Variants in CCDC178 observed in about 807,000 individuals in gnomAD.
The protein encoded by CCDC178 is coiled-coil domain containing 178.
Under a neutral mutation model 117.4 loss-of-function variants are expected in CCDC178, and 126 were observed. That is an observed-to-expected ratio of 1.07 (90% CI 0.93 to 1.24). CCDC178 has a LOEUF of 1.24. Among genes scored for constraint, CCDC178 ranks in the 50% most tolerant of loss-of-function variants. The probability of loss-of-function intolerance (pLI) is 0.00; values close to 1 mark genes in which losing one functional copy is unlikely to be tolerated. For missense variants in CCDC178, 1,030 were observed against 986.9 expected, an observed-to-expected ratio of 1.04 and a Z score of -0.59; for synonymous variants, 283 against 313.4, an observed-to-expected ratio of 0.90 and a Z score of 1.02.
At chr18:33,160,568 A>G (rs1025085355) in intron 20 of CCDC178, among the ~76,000 whole-genome samples, 4 of 152,162 alleles carry the variant, frequency 2.6e-5, no homozygotes, top group African/African-American at 9.6e-5. Context: ...ACACAGGTCA[A>G]TAGCAAAGGT....
intron 11 of CCDC178, among the ~76,000 whole-genome samples, chr18:33,295,546 G>A (rs962258333): frequency 6.6e-6 from 1 of 152,002 alleles, no homozygotes; most frequent in African/African-American, 2.4e-5. Flanking sequence ...TAACATATCC[G>A]ATTAAAAATC....
intron 21 of CCDC178, among the ~76,000 whole-genome samples, chr18:33,003,164 C>A (rs1385044896): frequency 6.6e-6 from 1 of 152,076 alleles, no homozygotes; most frequent in African/African-American, 2.4e-5. Context: ...GAAACACTTT[C>A]AAACTCATTC....
chr18:33,388,381 A>G (rs1180423468), intron 5 of CCDC178, among the ~76,000 whole-genome samples: 2 of 152,148 alleles, frequency 1.3e-5, no homozygotes, highest in African/African-American at 2.4e-5. Context: ...TAAGGAGCAT[A>G]AATCATTCTA....
chr18:33,005,559 G>C (rs2055729542), intron 21 of CCDC178, among the ~76,000 whole-genome samples: 1 of 151,974 alleles, frequency 6.6e-6, no homozygotes, highest in African/African-American at 2.4e-5. Context: ...ACGCAACAGA[G>C]TGACAACAGA....
chr18:33,415,385 G>A (rs1405503501), intron 2 of CCDC178, among the ~76,000 whole-genome samples: 2 of 152,112 alleles, frequency 1.3e-5, no homozygotes, highest in Non-Finnish European at 2.9e-5. Flanking sequence ...AAAATGATGA[G>A]TTCATGTCAT....
chr18:32,942,048 T>C (rs2054249874), intron 22 of CCDC178, among the ~76,000 whole-genome samples: 1 of 152,118 alleles, frequency 6.6e-6, no homozygotes, highest in Non-Finnish European at 1.5e-5. Flanking sequence ...ACCCAGTTGA[T>C]CACATAAAGA....
At chr18:33,249,340 A>C (rs373338779) in intron 14 of CCDC178, among the ~76,000 whole-genome samples, 19 of 151,964 alleles carry the variant, frequency 1.3e-4, no homozygotes, top group Admixed American at 7.2e-4. Flanking sequence ...GAAGTCCTTG[A>C]CCATGCCTAT....
chr18:33,337,665 AC>A, intron 9 of CCDC178, among the ~76,000 whole-genome samples: 1 of 152,276 alleles, frequency 6.6e-6, no homozygotes, highest in South Asian at 2.1e-4. Flanking sequence ...AGGAAAGGAC[AC>A]CCTATTCAAC....
At chr18:33,208,711 G>A (rs1351313124) in intron 20 of CCDC178, among the ~76,000 whole-genome samples, 1 of 151,988 alleles carries the variant, frequency 6.6e-6, no homozygotes, top group Non-Finnish European at 1.5e-5. Context: ...TCCAGTACCT[G>A]GTGGTCAAAT....
At chr18:33,316,412 C>T (rs565195434) in intron 11 of CCDC178, among the ~76,000 whole-genome samples, 21 of 152,262 alleles carry the variant, frequency 1.4e-4, no homozygotes, top group African/African-American at 4.6e-4. Context: ...GCTGCCTCCC[C>T]GTGAGGCAGC....
intron 21 of CCDC178, among the ~76,000 whole-genome samples, chr18:33,031,427 T>C (rs917990270): frequency 1.3e-5 from 2 of 152,046 alleles, no homozygotes; most frequent in African/African-American, 4.8e-5. Flanking sequence ...TTTATTTTCT[T>C]AGTGGTTGCT....
chr18:33,391,069 A>T (rs2144826555), intron 4 of CCDC178, among the ~76,000 whole-genome samples: 1 of 151,500 alleles, frequency 6.6e-6, no homozygotes, highest in African/African-American at 2.4e-5. Flanking sequence ...AGTGCTAATC[A>T]AATAGCTATT....
In CCDC178 at chr18:33,245,311, GA is replaced by G; in HGVS notation, c.1526del (p.Phe509SerfsTer3). ...YKEAYRIGTL[F>X]HLTKHKTDEM... ...CATCTGTCTTGTGTTTGGTTAGGTG[GA>G]AAAGAGTACCAATGCGATAAGCCTC... On this transcript the variant is annotated frameshift_variant, in exon 15 of 23. Transcript: ENST00000383096. LOFTEE classifies it high-confidence loss of function. 6.2e-7 allele frequency: 1 copy of G among 1,606,486 alleles called. No individual in the cohort carries two copies.
chr18:33,148,462 A>G (rs2058300142), intron 20 of CCDC178, among the ~76,000 whole-genome samples: 1 of 149,980 alleles, frequency 6.7e-6, no homozygotes, highest in Non-Finnish European at 1.5e-5. Context: ...GGAGAGGGAG[A>G]CCGTGGGGAG....
intron 7 of CCDC178, among the ~76,000 whole-genome samples, chr18:33,351,381 C>T (rs976499911): frequency 1.3e-5 from 2 of 151,926 alleles, no homozygotes; most frequent in Non-Finnish European, 2.9e-5. Flanking sequence ...TTAGTAGAGA[C>T]GGGGTTTCAC....
intron 21 of CCDC178, among the ~76,000 whole-genome samples, chr18:33,075,680 T>C (rs1245570763): frequency 2.6e-5 from 4 of 152,156 alleles, no homozygotes; most frequent in Non-Finnish European, 5.9e-5. Context: ...AATTATGTAG[T>C]TATTGGCCAG....
At chr18:33,367,715 C>G (rs1281456960) in intron 6 of CCDC178, among the ~76,000 whole-genome samples, 2 of 151,900 alleles carry the variant, frequency 1.3e-5, no homozygotes, top group Admixed American at 6.6e-5. Context: ...GAGTCCTCAT[C>G]ATTGCACCAA....
intron 20 of CCDC178, among the ~76,000 whole-genome samples, chr18:33,165,019 C>T (rs1172826986): frequency 6.6e-6 from 1 of 152,234 alleles, no homozygotes; most frequent in Non-Finnish European, 1.5e-5. Context: ...ATTTAAAAAT[C>T]CCATTTGTTA....
At chr18:33,150,958 G>A (rs529295004) in intron 20 of CCDC178, among the ~76,000 whole-genome samples, 1 of 152,326 alleles carries the variant, frequency 6.6e-6, no homozygotes, top group East Asian at 1.9e-4. Context: ...CAACTTGGAT[G>A]GAGTTGGAGG....
Sources: gnomAD v4.1 joint callset for allele counts (sites outside exome capture counted in the v4.1 genomes callset) on GRCh38, gnomAD v4.1.1 for gene constraint, MANE v1.5 for transcripts, NCBI Gene and HGNC (gene_info 2026-07-23, HGNC 2026-07-21) for gene names.